Variants in VOPP1 observed in about 807,000 individuals in gnomAD.
The protein encoded by VOPP1 is VOPP1 WW domain binding protein, also known as WW domain binding protein VOPP1.
In VOPP1, 8 loss-of-function variants were observed where a neutral mutation model predicts 23.5. The ratio of observed to expected loss-of-function variants is 0.34; its 90% CI spans 0.20 to 0.61. VOPP1 has a LOEUF of 0.61. Among genes scored for constraint, VOPP1 ranks in the 20% least tolerant of loss-of-function variants. The probability of loss-of-function intolerance (pLI) is 0.78; values close to 1 mark genes in which losing one functional copy is unlikely to be tolerated. For missense variants in VOPP1, 174 were observed against 238.1 expected (o/e 0.73, Z 1.77); for synonymous variants, 83 against 97.3 (o/e 0.85, Z 0.86).
At chr7:55,532,870 T>G (rs1796574373) in intron 1 of VOPP1, among the ~76,000 whole-genome samples, 1 of 152,204 alleles carries the variant, frequency 6.6e-6, no homozygotes, top group Admixed American at 6.5e-5. Flanking sequence ...CTGGTAATAT[T>G]TAACCTGGAG....
At chr7:55,554,888 G>C (rs1012674832) in intron 1 of VOPP1, among the ~76,000 whole-genome samples, 2 of 152,200 alleles carry the variant, frequency 1.3e-5, no homozygotes, top group African/African-American at 4.8e-5. Flanking sequence ...AGAATGAGGA[G>C]AGGAGGAAGA....
Position 55,521,140 on chromosome 7 carries a change from GAAGC to G in VOPP1, c.55-14_55-11del. On this transcript the variant is annotated splice_polypyrimidine_tract_variant and intron_variant, in intron 1 of 4. Transcript: ENST00000285279. ...TTTTGGCTTCTGTGCACTGCAAATA[GAAGC>G]AAGAAAAAGTTTGTCAGTACTCAGG... 1 of 1,571,140 alleles carries G rather than the reference GAAGC, an allele frequency of 6.4e-7. No homozygotes were observed. The highest frequency in any genetic ancestry group is 1.3e-5 in the African/African-American group (1 of 74,134).
chr7:55,527,175 C>T (rs755435725), intron 1 of VOPP1, among the ~76,000 whole-genome samples: 36 of 152,144 alleles, frequency 2.4e-4, no homozygotes, highest in Non-Finnish European at 2.2e-4. Context: ...TAAATAGGAC[C>T]GACCATGCTT....
At chr7:55,555,922 C>A (rs62454999) in intron 1 of VOPP1, among the ~76,000 whole-genome samples, 26,530 of 152,098 alleles carry the variant, frequency 0.17, 2,421 homozygotes, top group Middle Eastern at 0.23. Flanking sequence ...AATGAATAAC[C>A]CCAATAGCCA....
intron 3 of VOPP1, 32 bp downstream of exon 3, chr7:55,497,581 G>T: frequency 1.9e-6 from 3 of 1,543,452 alleles, no homozygotes; most frequent in Admixed American, 1.7e-5. Flanking sequence ...CAGAGCTCTC[G>T]GGGTAGGGAA....
chr7:55,560,575 T>C (rs1797952811), intron 1 of VOPP1, among the ~76,000 whole-genome samples: 1 of 152,192 alleles, frequency 6.6e-6, no homozygotes, highest in Non-Finnish European at 1.5e-5. Context: ...AGAAGAAACA[T>C]GGTCCTGCTG....
chr7:55,452,173 A>G lies in VOPP1; in HGVS notation n.418-15999T>C, dbSNP rs532859455. 2.0e-5 allele frequency among the ~76,000 whole-genome samples: 3 copies of G among 152,350 alleles called. No individual in the cohort carries two copies. In the East Asian group the frequency reaches 5.8e-4, roughly 29 times the overall value. On this transcript the variant is annotated intron_variant and non_coding_transcript_variant, in intron 4 of 4. Transcript: ENST00000462326. Reference sequence around the variant, plus strand: ...CAACAATATTCACAGCATCTTTAGTAGGAGTAGATTCCATTTCAAGAAACC... The same window carrying G: ...CAACAATATTCACAGCATCTTTAGTGGGAGTAGATTCCATTTCAAGAAACC...
intron 4 of VOPP1, among the ~76,000 whole-genome samples, chr7:55,451,176 A>C (rs1472714461): frequency 6.6e-6 from 1 of 152,140 alleles, no homozygotes. Context: ...ATAGGAGGGC[A>C]CTGGGCCCCT....
chr7:55,563,809 TC>T (rs1367149064), intron 1 of VOPP1, among the ~76,000 whole-genome samples: 4 of 152,330 alleles, frequency 2.6e-5, no homozygotes, highest in African/African-American at 7.2e-5. Flanking sequence ...TTTTTGATTT[TC>T]AGATTAGGGT....
chr7:55,501,610 G>A (rs904067999), intron 2 of VOPP1, among the ~76,000 whole-genome samples: 8 of 152,136 alleles, frequency 5.3e-5, no homozygotes, highest in African/African-American at 1.4e-4. Context: ...CCATTTTTAC[G>A]CCTAATTCTA....
chr7:55,546,819 C>G (rs758503510), intron 1 of VOPP1, among the ~76,000 whole-genome samples: 1 of 152,212 alleles, frequency 6.6e-6, no homozygotes, highest in Admixed American at 6.5e-5. Context: ...GCCAGCAGGC[C>G]GAGAGCTCAG....
At chr7:55,490,190 G>GT in intron 4 of VOPP1, among the ~76,000 whole-genome samples, 1 of 152,154 alleles carries the variant, frequency 6.6e-6, no homozygotes, top group Admixed American at 6.5e-5. Flanking sequence ...TCTGTTTTTT[G>GT]TTTTTTAAGA....
intron 2 of VOPP1, among the ~76,000 whole-genome samples, chr7:55,507,220 C>G (rs538690593): frequency 4.5e-4 from 68 of 152,150 alleles, no homozygotes; most frequent in Non-Finnish European, 8.8e-4. Flanking sequence ...TCAGAACTGT[C>G]CAGCAGCTTT....
chr7:55,497,254 C>T (rs927049249), intron 3 of VOPP1, among the ~76,000 whole-genome samples: 4 of 152,232 alleles, frequency 2.6e-5, no homozygotes, highest in Non-Finnish European at 4.4e-5. Flanking sequence ...AAAACTCGAT[C>T]GCCTGCCAGT....
chr7:55,486,605 G>A (rs1401665188), intron 4 of VOPP1, among the ~76,000 whole-genome samples: 3 of 152,192 alleles, frequency 2.0e-5, no homozygotes, highest in Non-Finnish European at 2.9e-5. Flanking sequence ...ATTCCTGGGC[G>A]TCACCAAGTA....
At chr7:55,514,349 A>G in intron 2 of VOPP1, among the ~76,000 whole-genome samples, 1 of 152,244 alleles carries the variant, frequency 6.6e-6, no homozygotes. Context: ...GTGATCTAGC[A>G]CAGGAAACGG....
intron 1 of VOPP1, among the ~76,000 whole-genome samples, chr7:55,559,883 G>A (rs1035857776): frequency 2.6e-5 from 4 of 152,216 alleles, no homozygotes; most frequent in Non-Finnish European, 4.4e-5. Context: ...GCCAGGCGCA[G>A]TGTCTCATGC....
At chr7:55,486,654 G>C (rs1286895910) in intron 4 of VOPP1, among the ~76,000 whole-genome samples, 1 of 152,210 alleles carries the variant, frequency 6.6e-6, no homozygotes, top group East Asian at 1.9e-4. Context: ...CCCTGACCCT[G>C]ATCAACCAGT....
chr7:55,548,147 G>A (rs565653834), intron 1 of VOPP1, among the ~76,000 whole-genome samples: 7 of 152,280 alleles, frequency 4.6e-5, no homozygotes, highest in Admixed American at 3.3e-4. Context: ...AGAAGTTCAC[G>A]CCCTTGCATT....
Sources: allele counts gnomAD v4.1 joint callset (sites outside exome capture counted in the v4.1 genomes callset), GRCh38; gene constraint gnomAD v4.1.1; transcripts MANE v1.5; gene names NCBI Gene and HGNC (gene_info 2026-07-23, HGNC 2026-07-21).